Variants in NRF1 observed in about 807,000 individuals in gnomAD.
NRF1 encodes the protein alpha palindromic-binding protein.
Under a neutral mutation model 58.5 loss-of-function variants are expected in NRF1, and 5 were observed. The ratio of observed to expected loss-of-function variants is 0.09; its 90% confidence interval spans 0.04 to 0.18. The LOEUF (loss-of-function observed/expected upper bound fraction) is 0.18, where lower values mean the gene tolerates loss of function less well. NRF1 is among the 10% of genes least tolerant of loss of function. NRF1 has a pLI of 1.00. For synonymous variants in NRF1, 224 were observed against 246.7 expected, an observed-to-expected ratio of 0.91 and a Z score of 0.86; for missense variants, 288 against 657.7, an observed-to-expected ratio of 0.44 and a Z score of 6.15.
intron 9 of NRF1, among the ~76,000 whole-genome samples, chr7:129,718,800 C>T (rs1803249388): frequency 6.6e-6 from 1 of 152,164 alleles, no homozygotes; most frequent in Non-Finnish European, 1.5e-5. Flanking sequence ...GTTCCAACGT[C>T]ACATAGATTC....
chr7:129,675,220 A>C (rs763966801), intron 3 of NRF1, among the ~76,000 whole-genome samples: 3 of 152,218 alleles, frequency 2.0e-5, no homozygotes, highest in Non-Finnish European at 4.4e-5. Flanking sequence ...TTCAGGGTCC[A>C]CTTTTAATTC....
At chr7:129,635,968 CCT>C (rs1801161349) in intron 1 of NRF1, among the ~76,000 whole-genome samples, 1 of 152,062 alleles carries the variant, frequency 6.6e-6, no homozygotes, top group Non-Finnish European at 1.5e-5. Flanking sequence ...GATTTAAACA[CCT>C]CTTATTTTTC....
At chr7:129,652,868 A>C (rs1450966115) in intron 1 of NRF1, among the ~76,000 whole-genome samples, 1 of 152,234 alleles carries the variant, frequency 6.6e-6, no homozygotes, top group African/African-American at 2.4e-5. Flanking sequence ...CTGGGATTAC[A>C]GGCGTGAGCC....
chr7:129,691,912 A>G (rs1404070079), intron 5 of NRF1, among the ~76,000 whole-genome samples: 1 of 152,024 alleles, frequency 6.6e-6, no homozygotes, highest in Non-Finnish European at 1.5e-5. Flanking sequence ...CCTCACTGTT[A>G]GATGTCTGGT....
At chr7:129,631,850 G>A (rs923261514) in intron 1 of NRF1, among the ~76,000 whole-genome samples, 1 of 152,176 alleles carries the variant, frequency 6.6e-6, no homozygotes, top group Non-Finnish European at 1.5e-5. Context: ...TTAAATTTGT[G>A]TTCTTTGTGT....
chr7:129,736,274 A>ATT (rs61690883), intron 10 of NRF1, among the ~76,000 whole-genome samples: 22 of 97,930 alleles, frequency 2.2e-4, no homozygotes, highest in Non-Finnish European at 3.6e-4. Context: ...GCTCAATAGA[A>ATT]TTTTTTTTTT....
intron 10 of NRF1, among the ~76,000 whole-genome samples, chr7:129,747,221 G>A (rs1337901520): frequency 1.3e-5 from 2 of 152,168 alleles, no homozygotes; most frequent in Non-Finnish European, 2.9e-5. Flanking sequence ...GGTTCTGCCT[G>A]GTTGCTTATT....
chr7:129,752,584 GCT>G (rs745377705), intron 10 of NRF1, among the ~76,000 whole-genome samples: 18 of 152,190 alleles, frequency 1.2e-4, no homozygotes, highest in Non-Finnish European at 2.9e-5. Context: ...GGGTGTGGTA[GCT>G]CATGCCTGTA....
intron 1 of NRF1, among the ~76,000 whole-genome samples, chr7:129,622,307 C>T (rs906816842): frequency 2.0e-5 from 3 of 152,058 alleles, no homozygotes; most frequent in Admixed American, 2.0e-4. Context: ...TTTGGATAGG[C>T]AAGTTACTTA....
At chr7:129,664,721 GACCC>G (rs1801881643) in intron 2 of NRF1, among the ~76,000 whole-genome samples, 1 of 152,132 alleles carries the variant, frequency 6.6e-6, no homozygotes, top group Non-Finnish European at 1.5e-5. Context: ...ACTTTAATTT[GACCC>G]CTTTGTGTGG....
chr7:129,618,579 C>G (rs1800703514), intron 1 of NRF1, among the ~76,000 whole-genome samples: 1 of 152,130 alleles, frequency 6.6e-6, no homozygotes, highest in South Asian at 2.1e-4. Flanking sequence ...CCTGTGGTCT[C>G]AGCTACTCGG....
chr7:129,624,925 G>A lies in NRF1; in HGVS notation c.-7+13101G>A, dbSNP rs182137945. On this transcript the variant is annotated intron_variant, in intron 1 of 10. Coordinates refer to ENST00000393232, the MANE Select transcript of NRF1 (RefSeq NM_005011.5). ...TCCTTCAACCTTGGGAAGGCAATAG[G>A]GAATGCTGGAGAGAGAGAGTTTGTG... Among the ~76,000 whole-genome samples the A allele has an allele frequency of 2.5e-3, 383 of 152,274 alleles. 2 individuals carry two copies. Among genetic ancestry groups the A allele is most frequent in the Non-Finnish European group, 4.1e-3 (278 of 68,024 alleles).
At chr7:129,723,180 A>C (rs1803370324) in intron 9 of NRF1, among the ~76,000 whole-genome samples, 1 of 152,088 alleles carries the variant, frequency 6.6e-6, no homozygotes. Context: ...GCGGTGGCTC[A>C]TGCCTGTAAT....
At chr7:129,715,751 T>TC (rs766722364) in intron 8 of NRF1, among the ~76,000 whole-genome samples, 5 of 152,336 alleles carry the variant, frequency 3.3e-5, no homozygotes, top group Non-Finnish European at 4.4e-5. Context: ...ATGCAATGCT[T>TC]CCCAGCACTT....
intron 6 of NRF1, among the ~76,000 whole-genome samples, chr7:129,709,959 A>T (rs1803036425): frequency 6.6e-6 from 1 of 151,790 alleles, no homozygotes; most frequent in South Asian, 2.1e-4. Flanking sequence ...CGAACTCCCG[A>T]CCTCAGGCCA....
intron 1 of NRF1, among the ~76,000 whole-genome samples, chr7:129,626,676 T>A (rs1338700872): frequency 6.6e-6 from 1 of 152,236 alleles, no homozygotes; most frequent in African/African-American, 2.4e-5. Context: ...ATCAGATTTC[T>A]TAAATGCTGT....
chr7:129,745,212 C>G (rs1803945077), intron 10 of NRF1, among the ~76,000 whole-genome samples: 1 of 152,114 alleles, frequency 6.6e-6, no homozygotes, highest in African/African-American at 2.4e-5. Flanking sequence ...GATCTATCCT[C>G]TGGGACACAG....
At chr7:129,667,218 C>T (rs923083371) in intron 2 of NRF1, among the ~76,000 whole-genome samples, 8 of 152,158 alleles carry the variant, frequency 5.3e-5, no homozygotes, top group South Asian at 2.1e-4. Context: ...TATGCTGTAG[C>T]GCCTGTTACT....
intron 4 of NRF1, among the ~76,000 whole-genome samples, chr7:129,689,908 G>C (rs1802526109): frequency 6.6e-6 from 1 of 152,178 alleles, no homozygotes; most frequent in Non-Finnish European, 1.5e-5. Context: ...TTGTATGCTT[G>C]AATCTCCTGT....
Sources: gnomAD v4.1 joint callset for allele counts (sites outside exome capture counted in the v4.1 genomes callset) on GRCh38, gnomAD v4.1.1 for gene constraint, MANE v1.5 for transcripts, NCBI Gene and HGNC (gene_info 2026-07-23, HGNC 2026-07-21) for gene names.